SGCZ: variants seen among roughly 807,000 people sequenced by gnomAD.
The protein encoded by SGCZ is sarcoglycan zeta.
SGCZ carries 40 observed loss-of-function variants against 41.3 expected under a neutral mutation model. That is an observed-to-expected ratio of 0.97 (90% CI 0.75 to 1.26). The LOEUF is 1.26. Among genes scored for constraint, SGCZ ranks in the 50% most tolerant of loss-of-function variants. The pLI, the probability that SGCZ is intolerant of heterozygous loss-of-function variation, is 0.00. For synonymous variants in SGCZ, 206 were observed against 137.5 expected, an observed-to-expected ratio of 1.50 and a Z score of -3.49; for missense variants, 552 against 369.8, an observed-to-expected ratio of 1.49 and a Z score of -4.04.
At chr8:14,215,752 A>G (rs570707509) in intron 4 of SGCZ, among the ~76,000 whole-genome samples, 1 of 152,302 alleles carries the variant, frequency 6.6e-6, no homozygotes, top group Admixed American at 6.5e-5. Flanking sequence ...AAACAACTCA[A>G]AAGACTACAT....
chr8:15,065,746 T>C (rs1177075090), intron 1 of SGCZ, among the ~76,000 whole-genome samples: 2 of 152,130 alleles, frequency 1.3e-5, no homozygotes, highest in African/African-American at 4.8e-5. Context: ...ATTGTAATTC[T>C]TGAGTCACTT....
intron 5 of SGCZ, among the ~76,000 whole-genome samples, chr8:14,135,710 T>G (rs1803175721): frequency 6.6e-6 from 1 of 152,212 alleles, no homozygotes; most frequent in South Asian, 2.1e-4. Context: ...TACTGGAGAA[T>G]TCTACCAAAC....
intron 4 of SGCZ, among the ~76,000 whole-genome samples, chr8:14,212,272 G>T (rs1037254593): frequency 6.6e-6 from 1 of 151,974 alleles, no homozygotes; most frequent in Admixed American, 6.6e-5. Context: ...AGAGAAAAAG[G>T]CTAGTGAAAA....
intron 2 of SGCZ, among the ~76,000 whole-genome samples, chr8:14,471,822 T>C (rs1234423352): frequency 6.6e-6 from 1 of 152,082 alleles, no homozygotes; most frequent in Non-Finnish European, 1.5e-5. Flanking sequence ...ATTATGACGA[T>C]TCTAAATAAA....
Position 14,311,653 on chromosome 8 carries a change from A to G in SGCZ, c.336+12450T>C, listed in dbSNP as rs934197591. On this transcript the variant is annotated intron_variant, in intron 3 of 7. Transcript: ENST00000382080. ...GTGAAACAAGAATAAAACATCAGGAATAATGAGGTCAGCTCTTACATATGC... is the reference window on the plus strand; with the variant it reads ...GTGAAACAAGAATAAAACATCAGGAGTAATGAGGTCAGCTCTTACATATGC... Among the ~76,000 whole-genome samples, 3 of 152,220 alleles carry G rather than the reference A, an allele frequency of 2.0e-5. No individual in the cohort carries two copies. The East Asian group carries it at 5.8e-4, about 29-fold the overall frequency.
rs555571591 is a variant in SGCZ, at chr8:14,677,078, CA to C, written c.40-122153del. 4.9e-4 allele frequency among the ~76,000 whole-genome samples: 73 copies of C among 148,440 alleles called. 1 individual carries two copies. The highest frequency in any genetic ancestry group is 1.7e-3 in the African/African-American group (68 of 40,486). ...ATGTAGAAAATTAAAAAGAACTGAC[CA>C]AAAAAAAACCTCTCCTGGAGCAAAT... On this transcript the variant is annotated intron_variant, in intron 1 of 7. Transcript: ENST00000382080.
At chr8:14,132,593 C>T (rs1803075492) in intron 5 of SGCZ, among the ~76,000 whole-genome samples, 3 of 152,014 alleles carry the variant, frequency 2.0e-5, no homozygotes, top group African/African-American at 7.2e-5. Flanking sequence ...TAGTTTTTGT[C>T]CATGTTTTTC....
chr8:14,940,895 G>T (rs977536640), intron 1 of SGCZ, among the ~76,000 whole-genome samples: 4 of 151,844 alleles, frequency 2.6e-5, no homozygotes, highest in African/African-American at 9.7e-5. Context: ...CATATAAAGG[G>T]CTCCTACAGA....
chr8:15,186,933 T>A (rs1483010149), intron 1 of SGCZ, among the ~76,000 whole-genome samples: 2 of 152,158 alleles, frequency 1.3e-5, no homozygotes, highest in South Asian at 2.1e-4. Flanking sequence ...CGTTTTTATA[T>A]GAGATAATCA....
intron 2 of SGCZ, among the ~76,000 whole-genome samples, chr8:14,516,046 T>C (rs1802610440): frequency 6.6e-6 from 1 of 152,052 alleles, no homozygotes; most frequent in Admixed American, 6.6e-5. Flanking sequence ...TCATGGATTA[T>C]TGTTAGACAT....
At chr8:14,735,423 G>A (rs1259663523) in intron 1 of SGCZ, among the ~76,000 whole-genome samples, 2 of 152,130 alleles carry the variant, frequency 1.3e-5, no homozygotes, top group Non-Finnish European at 2.9e-5. Context: ...GAGTTTTCTG[G>A]TTTTCATCTT....
intron 1 of SGCZ, among the ~76,000 whole-genome samples, chr8:14,800,620 G>C (rs901946995): frequency 6.6e-6 from 1 of 152,128 alleles, no homozygotes; most frequent in African/African-American, 2.4e-5. Context: ...TCTTTGAAAA[G>C]TCTGTGGTGT....
Position 14,430,928 on chromosome 8 carries a change from AC to A in SGCZ, c.235-106725del, listed in dbSNP as rs1287611933. On this transcript the variant is annotated intron_variant, in intron 2 of 7. Transcript: ENST00000382080. Reference sequence around the variant, plus strand: ...GACCAAGCTGAGAATCAAATCAAGAACTCAACCCCTTTACAACAGCTGCAAA... The same window carrying A: ...GACCAAGCTGAGAATCAAATCAAGAATCAACCCCTTTACAACAGCTGCAAA... Among the ~76,000 whole-genome samples, 3 of 152,222 alleles carry A rather than the reference AC, an allele frequency of 2.0e-5. No homozygotes were observed. In the East Asian group the frequency reaches 5.8e-4, roughly 29 times the overall value.
chr8:14,570,920 T>A (rs979003262), intron 1 of SGCZ, among the ~76,000 whole-genome samples: 12 of 152,214 alleles, frequency 7.9e-5, no homozygotes, highest in African/African-American at 2.9e-4. Context: ...TGGTTATGTA[T>A]GTAAAATACA....
chr8:14,776,666 T>G (rs1473967849), intron 1 of SGCZ, among the ~76,000 whole-genome samples: 1 of 152,004 alleles, frequency 6.6e-6, no homozygotes, highest in Non-Finnish European at 1.5e-5. Context: ...GCTAATTTTT[T>G]GTATTTTTAG....
rs73205496 is a variant in SGCZ at position 15,179,251 on chromosome 8, A to G, written c.39+58334T>C. Among the ~76,000 whole-genome samples, 517 of 152,316 alleles carry G rather than the reference A, an allele frequency of 3.4e-3. 2 individuals carry two copies. The highest frequency in any genetic ancestry group is 3.8e-3 in the Non-Finnish European group (258 of 68,010). On this transcript the variant is annotated intron_variant, in intron 1 of 7. Coordinates refer to ENST00000382080, the MANE Select transcript of SGCZ (RefSeq NM_139167.4). ...AGTTAATCTCAGTAGATTTTTCTTC[A>G]GATAGAGGGAATGAGGATGGTGTAT...
At chr8:14,533,234 A>T (rs1240221484) in intron 2 of SGCZ, among the ~76,000 whole-genome samples, 1 of 151,856 alleles carries the variant, frequency 6.6e-6, no homozygotes, top group Admixed American at 6.6e-5. Flanking sequence ...TATGAGTGAG[A>T]ACAAAATTGC....
chr8:14,282,994 T>C (rs4831571), intron 3 of SGCZ, among the ~76,000 whole-genome samples: 102,053 of 148,146 alleles, frequency 0.69, 35,390 homozygotes, highest in Admixed American at 0.72. Flanking sequence ...GGACTACAGG[T>C]GCCCGCCACC....
chr8:14,573,122 CA>C (rs1388382615), intron 1 of SGCZ, among the ~76,000 whole-genome samples: 1 of 150,376 alleles, frequency 6.6e-6, no homozygotes, highest in Non-Finnish European at 1.5e-5. Context: ...CTTCAGATAG[CA>C]AATAAGCATA....
Sources: allele counts gnomAD v4.1 joint callset (sites outside exome capture counted in the v4.1 genomes callset), GRCh38; gene constraint gnomAD v4.1.1; transcripts MANE v1.5; gene names NCBI Gene and HGNC (gene_info 2026-07-23, HGNC 2026-07-21).